Variants in NCK2 observed in about 807,000 individuals in gnomAD.
The protein encoded by NCK2 is cytoplasmic protein NCK2.
NCK2 carries 16 observed loss-of-function variants against 33.9 expected under a neutral mutation model. The ratio of observed to expected loss-of-function variants is 0.47; its 90% confidence interval spans 0.32 to 0.72. The LOEUF (loss-of-function observed/expected upper bound fraction) is 0.72, where lower values mean the gene tolerates loss of function less well. Ranked by LOEUF, NCK2 falls within the 30% of genes least tolerant of loss-of-function variation. The pLI is 0.03. For synonymous variants in NCK2, 273 were observed against 239.9 expected (o/e 1.14, Z -1.27); for missense variants, 418 against 537.3 (o/e 0.78, Z 2.19).
intron 2 of NCK2, among the ~76,000 whole-genome samples, chr2:105,840,983 G>A (rs138245352): frequency 6.6e-6 from 1 of 152,320 alleles, no homozygotes; most frequent in Admixed American, 6.5e-5. Flanking sequence ...AACAAGGACA[G>A]ACCAGTTGTA....
chr2:105,767,138 A>C (rs1201072095), intron 1 of NCK2, among the ~76,000 whole-genome samples: 2 of 152,198 alleles, frequency 1.3e-5, no homozygotes, highest in Non-Finnish European at 2.9e-5. Context: ...TCCGACCTGG[A>C]AGCCTGGACC....
At chr2:105,747,031 C>T (rs1689310124) in intron 1 of NCK2, among the ~76,000 whole-genome samples, 1 of 152,190 alleles carries the variant, frequency 6.6e-6, no homozygotes, top group Admixed American at 6.5e-5. Flanking sequence ...TTGGCTGCTG[C>T]ATAACCCCCT....
At chr2:105,862,947 C>G (rs949928560) in intron 3 of NCK2, among the ~76,000 whole-genome samples, 5 of 150,418 alleles carry the variant, frequency 3.3e-5, no homozygotes, top group African/African-American at 9.9e-5. Flanking sequence ...TTGGCATAAG[C>G]CTTTAAGAGG....
At chr2:105,847,842 C>T (rs1676911339) in intron 2 of NCK2, among the ~76,000 whole-genome samples, 1 of 152,108 alleles carries the variant, frequency 6.6e-6, no homozygotes, top group African/African-American at 2.4e-5. Flanking sequence ...TGCATCAAAG[C>T]TTTTCTAGGC....
At chr2:105,752,184 T>C (rs1488033732) in intron 1 of NCK2, among the ~76,000 whole-genome samples, 2 of 152,194 alleles carry the variant, frequency 1.3e-5, no homozygotes, top group Non-Finnish European at 2.9e-5. Flanking sequence ...TATACACTTT[T>C]CATGATTTAA....
Position 105,881,975 on chromosome 2 carries a change from C to T in NCK2, c.874C>T (p.Arg292Trp). Reference sequence around the variant, plus strand: ...AGAGTGGTACTACGGGAACGTGACGCGGCACCAGGCCGAGTGCGCCCTCAA... The same window carrying T: ...AGAGTGGTACTACGGGAACGTGACGTGGCACCAGGCCGAGTGCGCCCTCAA... ...GREWYYGNVT[R>W]HQAECALNER... Residue 292 changes from arginine (R) to tryptophan (W), a missense_variant, in exon 4 of 5, where the codon CGG (arginine) becomes TGG (tryptophan). Arg to Trp is a moderately radical substitution (Grantham distance 101). Coordinates refer to ENST00000233154, the MANE Select transcript of NCK2 (RefSeq NM_003581.5). The T allele has an allele frequency of 1.3e-6, 2 of 1,521,630 alleles. No homozygotes were observed. Among genetic ancestry groups the T allele is most frequent in the Non-Finnish European group, 1.8e-6 (2 of 1,135,770 alleles). The allele number at this position is 1,521,630 out of a possible 1,614,324, so 94.3% of individuals were successfully genotyped here.
At chr2:105,775,905 T>G in intron 1 of NCK2, among the ~76,000 whole-genome samples, 1 of 152,232 alleles carries the variant, frequency 6.6e-6, no homozygotes, top group Admixed American at 6.5e-5. Context: ...CTTTTTGATT[T>G]TGTGGTTACC....
At chr2:105,745,555 A>G (rs1689254040) in intron 1 of NCK2, among the ~76,000 whole-genome samples, 1 of 152,040 alleles carries the variant, frequency 6.6e-6, no homozygotes, top group Admixed American at 6.5e-5. Context: ...TGCGGTGGCC[A>G]GGGTCGCCAG....
intron 2 of NCK2, among the ~76,000 whole-genome samples, chr2:105,816,891 T>TCCATAACGAA (rs1675510823): frequency 1.3e-5 from 2 of 152,174 alleles, no homozygotes; most frequent in Admixed American, 1.3e-4. Context: ...GACTCTTGAA[T>TCCATAACGAA]CCATAACGAA....
chr2:105,802,539 C>T (rs569070972), intron 1 of NCK2, among the ~76,000 whole-genome samples: 3 of 152,154 alleles, frequency 2.0e-5, no homozygotes, highest in South Asian at 4.2e-4. Flanking sequence ...TGAAGGGGGC[C>T]GATGGGTAGA....
intron 1 of NCK2, among the ~76,000 whole-genome samples, chr2:105,815,424 AATAG>A (rs1385198390): frequency 2.0e-5 from 3 of 152,208 alleles, no homozygotes; most frequent in Non-Finnish European, 4.4e-5. Context: ...GGGATGAATT[AATAG>A]ATCTTCTGTG....
chr2:105,775,877 C>G (rs1690282073), intron 1 of NCK2, among the ~76,000 whole-genome samples: 1 of 152,244 alleles, frequency 6.6e-6, no homozygotes, highest in East Asian at 1.9e-4. Context: ...CTTGGAATAG[C>G]TGGTCATCAA....
chr2:105,833,435 G>A (rs1388442617), intron 2 of NCK2, among the ~76,000 whole-genome samples: 4 of 152,074 alleles, frequency 2.6e-5, no homozygotes, highest in African/African-American at 7.2e-5. Flanking sequence ...AGTTATGTGT[G>A]TCTAAGAATT....
chr2:105,819,644 G>A (rs2060036), intron 2 of NCK2, among the ~76,000 whole-genome samples: 43,191 of 152,140 alleles, frequency 0.28, 6,951 homozygotes, highest in South Asian at 0.39. Context: ...CCCAACACAC[G>A]GGTGCCACGT....
intron 1 of NCK2, among the ~76,000 whole-genome samples, chr2:105,755,289 G>A (rs1689568765): frequency 6.6e-6 from 1 of 152,194 alleles, no homozygotes; most frequent in Admixed American, 6.5e-5. Context: ...TAAAAAAGGA[G>A]GAGGGTGTCA....
chr2:105,882,605 C>A (rs1573247073), intron 4 of NCK2, among the ~76,000 whole-genome samples: 1 of 152,124 alleles, frequency 6.6e-6, no homozygotes, highest in East Asian at 1.9e-4. Context: ...AACAGGGGTT[C>A]TTGGGAGAGA....
At chr2:105,871,188 C>T (rs546236651) in intron 3 of NCK2, among the ~76,000 whole-genome samples, 1 of 152,044 alleles carries the variant, frequency 6.6e-6, no homozygotes, top group South Asian at 2.1e-4. Context: ...TCTGAGGCCA[C>T]GATGGTGACT....
chr2:105,823,221 C>G (rs1230229396), intron 2 of NCK2, among the ~76,000 whole-genome samples: 1 of 151,114 alleles, frequency 6.6e-6, no homozygotes. Context: ...GGACCTTGAA[C>G]AGGTAATTAC....
intron 3 of NCK2, among the ~76,000 whole-genome samples, chr2:105,856,077 G>A (rs935670413): frequency 2.6e-5 from 4 of 151,964 alleles, no homozygotes; most frequent in East Asian, 3.9e-4. Context: ...CTTGTGATCC[G>A]CCCACCTTGG....
Sources: allele counts gnomAD v4.1 joint callset (sites outside exome capture counted in the v4.1 genomes callset), GRCh38; gene constraint gnomAD v4.1.1; transcripts MANE v1.5; gene names NCBI Gene and HGNC (gene_info 2026-07-23, HGNC 2026-07-21).